The following IL1RAPL2 variants were observed in gnomAD, a reference collection of about 807,000 sequenced individuals.
IL1RAPL2 encodes the protein interleukin 1 receptor accessory protein like 2.
IL1RAPL2 carries 3 observed loss-of-function variants against 44.1 expected under a neutral mutation model. The observed-to-expected ratio is 0.07, with a 90% CI of 0.03 to 0.18. The LOEUF (loss-of-function observed/expected upper bound fraction) is 0.18, where lower values mean the gene tolerates loss of function less well. Among genes scored for constraint, IL1RAPL2 ranks in the 10% least tolerant of loss-of-function variants. The pLI, the probability that IL1RAPL2 is intolerant of heterozygous loss-of-function variation, is 1.00. For synonymous variants in IL1RAPL2, 181 were observed against 178.8 expected (o/e 1.01, Z -0.10); for missense variants, 391 against 496.4 (o/e 0.79, Z 2.02).
At chrX:105,419,132 G>A (rs2035755704) in intron 5 of IL1RAPL2, among the ~76,000 whole-genome samples, 1 of 111,862 alleles carries the variant, frequency 8.9e-6, no homozygotes, top group African/African-American at 3.2e-5. Context: ...TGCTCAGGGA[G>A]TGTTTCGGTA....
chrX:105,311,447 G>C, intron 5 of IL1RAPL2, among the ~76,000 whole-genome samples: 1 of 108,194 alleles, frequency 9.2e-6, no homozygotes, highest in South Asian at 3.9e-4. Flanking sequence ...GGTCATTTAA[G>C]TACTGTACAT....
intron 5 of IL1RAPL2, among the ~76,000 whole-genome samples, chrX:105,463,722 T>C (rs751528777): frequency 8.9e-6 from 1 of 112,122 alleles, no homozygotes; most frequent in Non-Finnish European, 1.9e-5. Flanking sequence ...TCATCACTTA[T>C]GTGTACAGAG....
chrX:105,439,808 A>G (rs906422865), intron 5 of IL1RAPL2, among the ~76,000 whole-genome samples: 3 of 112,059 alleles, frequency 2.7e-5, no homozygotes, highest in Non-Finnish European at 5.6e-5. Context: ...GAATTTGAAG[A>G]TTATTTCGGG....
intron 1 of IL1RAPL2, among the ~76,000 whole-genome samples, chrX:104,590,969 G>A (rs2147996759): frequency 9.0e-6 from 1 of 111,420 alleles, no homozygotes; most frequent in South Asian, 3.8e-4. Flanking sequence ...GTTAGTCCCA[G>A]ATCAGGAAAT....
intron 6 of IL1RAPL2, among the ~76,000 whole-genome samples, chrX:105,534,551 AAAT>A (rs2147794552): frequency 9.0e-6 from 1 of 111,424 alleles, no homozygotes; most frequent in Non-Finnish European, 1.9e-5. Flanking sequence ...AAAAATAAAA[AAAT>A]ACCCAAAATT....
At chrX:105,050,145 C>T (rs1465585825) in intron 2 of IL1RAPL2, among the ~76,000 whole-genome samples, 3 of 112,056 alleles carry the variant, frequency 2.7e-5, no homozygotes, top group African/African-American at 9.7e-5. Context: ...AATAGATTTT[C>T]TCTAGCAGAT....
chrX:105,384,755 C>T (rs1404633525), intron 5 of IL1RAPL2, among the ~76,000 whole-genome samples: 1 of 110,760 alleles, frequency 9.0e-6, no homozygotes, highest in Non-Finnish European at 1.9e-5. Context: ...GGGTAGCTGT[C>T]CATTTTTTGT....
At chrX:104,647,822 C>T in intron 1 of IL1RAPL2, 2 of 550,706 alleles carry the variant, frequency 3.6e-6, no homozygotes, top group Non-Finnish European at 6.6e-6. Context: ...TTTCTGTACC[C>T]ATGGGATAGG....
At chrX:105,530,774 CTA>C (rs2147792886) in intron 6 of IL1RAPL2, among the ~76,000 whole-genome samples, 1 of 93,321 alleles carries the variant, frequency 1.1e-5, no homozygotes, top group East Asian at 4.1e-4. Flanking sequence ...CTTGTACTCT[CTA>C]TGTACATGAG....
chrX:105,248,969 A>G (rs1367318948), intron 4 of IL1RAPL2, among the ~76,000 whole-genome samples: 1 of 111,462 alleles, frequency 9.0e-6, no homozygotes, highest in East Asian at 2.8e-4. Context: ...GAGCTACCAT[A>G]TGATCTAGCA....
intron 3 of IL1RAPL2, among the ~76,000 whole-genome samples, chrX:105,198,257 T>G (rs781922530): frequency 8.9e-6 from 1 of 111,998 alleles, no homozygotes; most frequent in Admixed American, 9.5e-5. Flanking sequence ...CCTTTGGGTA[T>G]ATACCCAATA....
intron 6 of IL1RAPL2, among the ~76,000 whole-genome samples, chrX:105,665,743 T>G (rs965998859): frequency 6.7e-5 from 5 of 74,589 alleles, no homozygotes; most frequent in South Asian, 5.5e-4. Flanking sequence ...TGTTTTTTTG[T>G]TTTTTTTTTT....
chrX:104,966,047 G>A (rs1001702603), intron 2 of IL1RAPL2, among the ~76,000 whole-genome samples: 2 of 111,338 alleles, frequency 1.8e-5, no homozygotes, highest in Admixed American at 1.9e-4. Flanking sequence ...TCAGAGTCAG[G>A]ATGCATAATG....
rs187538452 is a variant in IL1RAPL2, at chrX:104,570,828, T to C, written c.-20+3777T>C. Among the ~76,000 whole-genome samples, 268 of 112,326 alleles carry C rather than the reference T, an allele frequency of 2.4e-3. 3 individuals carry two copies. The highest frequency in any genetic ancestry group is 0.022 in the Admixed American group (234 of 10,625). Reference sequence around the variant, plus strand: ...CTTCGTGTAGCTATACCTTGGCTTCTCTCTTGAGTTTCAAAATGCTTTTTA... The same window carrying C: ...CTTCGTGTAGCTATACCTTGGCTTCCCTCTTGAGTTTCAAAATGCTTTTTA... On this transcript the variant is annotated intron_variant, in intron 1 of 10. Coordinates refer to ENST00000372582, the MANE Select transcript of IL1RAPL2 (RefSeq NM_017416.2).
chrX:105,518,935 CT>C (rs1218799779), intron 6 of IL1RAPL2, among the ~76,000 whole-genome samples: 1 of 110,719 alleles, frequency 9.0e-6, no homozygotes, highest in Non-Finnish European at 1.9e-5. Context: ...ATCTATACAA[CT>C]TTCACCATGA....
chrX:105,361,867 A>G (rs924775184), intron 5 of IL1RAPL2, among the ~76,000 whole-genome samples: 6 of 111,738 alleles, frequency 5.4e-5, no homozygotes, highest in Admixed American at 9.5e-5. Context: ...CTTTCCTTAT[A>G]TGTAGAAACC....
At chrX:104,929,197 A>G (rs1312548857) in intron 2 of IL1RAPL2, among the ~76,000 whole-genome samples, 1 of 111,676 alleles carries the variant, frequency 9.0e-6, no homozygotes, top group African/African-American at 3.3e-5. Context: ...TGACATAATC[A>G]TGGAATTCAT....
intron 2 of IL1RAPL2, among the ~76,000 whole-genome samples, chrX:105,114,867 T>C (rs141650352): frequency 2.3e-3 from 257 of 112,022 alleles, no homozygotes; most frequent in African/African-American, 8.0e-3. Flanking sequence ...ACTTGAGCAG[T>C]GAGGCACAAG....
chrX:105,558,474 A>T (rs1338322954), intron 6 of IL1RAPL2, among the ~76,000 whole-genome samples: 4 of 111,494 alleles, frequency 3.6e-5, no homozygotes, highest in African/African-American at 1.3e-4. Context: ...GAAGGGAAGG[A>T]CTTCCTTTAG....
Sources: gnomAD v4.1 joint callset for allele counts (sites outside exome capture counted in the v4.1 genomes callset) on GRCh38, gnomAD v4.1.1 for gene constraint, MANE v1.5 for transcripts, NCBI Gene and HGNC (gene_info 2026-07-23, HGNC 2026-07-21) for gene names.